Variants in MTMR6 observed in about 807,000 individuals in gnomAD.
The protein encoded by MTMR6 is phosphatidylinositol-3,5-bisphosphate 3-phosphatase MTMR6.
In MTMR6, 47 loss-of-function variants were observed where a neutral mutation model predicts 80.1. That is an observed-to-expected ratio of 0.59 (90% CI 0.46 to 0.75). The LOEUF (loss-of-function observed/expected upper bound fraction) is 0.75, where lower values mean the gene tolerates loss of function less well. Among genes scored for constraint, MTMR6 ranks in the 30% least tolerant of loss-of-function variants. The pLI is 0.00. For missense variants in MTMR6, 629 were observed against 730.9 expected, an observed-to-expected ratio of 0.86 and a Z score of 1.61; for synonymous variants, 254 against 253.0, an observed-to-expected ratio of 1.00 and a Z score of -0.04.
At chr13:25,264,082 A>C (rs534336182) in intron 5 of MTMR6, among the ~76,000 whole-genome samples, 2 of 152,248 alleles carry the variant, frequency 1.3e-5, no homozygotes, top group African/African-American at 4.8e-5. Context: ...GGGAAGCATG[A>C]GAATTATTTT....
At chr13:25,264,159 A>T (rs1198248612) in intron 5 of MTMR6, among the ~76,000 whole-genome samples, 1 of 152,082 alleles carries the variant, frequency 6.6e-6, no homozygotes, top group Non-Finnish European at 1.5e-5. Context: ...ATCTTTAAAA[A>T]TTTCAGAAAA....
chr13:25,255,241 T>C (rs998393966), intron 9 of MTMR6, among the ~76,000 whole-genome samples: 6 of 152,254 alleles, frequency 3.9e-5, no homozygotes, highest in Non-Finnish European at 5.9e-5. Context: ...ATGTAGTCGC[T>C]GGAGCTCAGG....
chr13:25,268,019 A>C, intron 2 of MTMR6, 78 bp from the exon 3 acceptor site: 1 of 1,385,858 alleles, frequency 7.2e-7, no homozygotes, highest in Non-Finnish European at 9.7e-7. Context: ...AAGTTTAAGA[A>C]TGTCTTCCTC....
intron 2 of MTMR6, among the ~76,000 whole-genome samples, chr13:25,268,987 A>T (rs1957511957): frequency 6.6e-6 from 1 of 152,194 alleles, no homozygotes; most frequent in Admixed American, 6.5e-5. Flanking sequence ...GACATGTCCC[A>T]ATAGCCAAGC....
chr13:25,255,063 T>G (rs1957169240), intron 9 of MTMR6, among the ~76,000 whole-genome samples: 1 of 152,224 alleles, frequency 6.6e-6, no homozygotes. Flanking sequence ...TCTAACTTTT[T>G]CAGTCTAATC....
chr13:25,283,558 T>C (rs374628359), intron 1 of MTMR6, among the ~76,000 whole-genome samples: 16 of 152,208 alleles, frequency 1.1e-4, no homozygotes, highest in Non-Finnish European at 1.9e-4. Flanking sequence ...CACATTCTAA[T>C]GACAAAAAGA....
intron 1 of MTMR6, among the ~76,000 whole-genome samples, chr13:25,282,611 CTTT>C (rs778665309): frequency 1.5e-5 from 2 of 129,116 alleles, no homozygotes; most frequent in African/African-American, 3.6e-5. Flanking sequence ...TTTCTTTTTT[CTTT>C]TTTTTTTTTT....
chr13:25,250,568 C>A (rs57880710), intron 13 of MTMR6, among the ~76,000 whole-genome samples: 6,454 of 152,180 alleles, frequency 0.042, 467 homozygotes, highest in African/African-American at 0.15. Flanking sequence ...TATGGAAAGT[C>A]ATTTAACTTC....
At chr13:25,272,679 A>G (rs772880928) in intron 2 of MTMR6, among the ~76,000 whole-genome samples, 4 of 152,202 alleles carry the variant, frequency 2.6e-5, no homozygotes, top group African/African-American at 9.7e-5. Context: ...GCTCCCACTT[A>G]TAAGTGAGAA....
chr13:25,282,057 G>A (rs1048463821), intron 1 of MTMR6, among the ~76,000 whole-genome samples: 13 of 152,048 alleles, frequency 8.5e-5, no homozygotes, highest in African/African-American at 2.9e-4. Flanking sequence ...ATCTTCTACT[G>A]TGCTCTTCTT....
At position 25,246,333 on chromosome 13, in the gene MTMR6, A is replaced by G. The variant is rs1956978621; in HGVS notation, c.*2899T>C. 6.6e-6 allele frequency: 1 copy of G among 152,642 alleles called. No homozygotes were observed. The highest frequency in any genetic ancestry group is 1.5e-5 in the Non-Finnish European group (1 of 68,044). The allele number at this position is 152,642 out of a possible 1,614,324, so 9.5% of individuals were successfully genotyped here. On this transcript the variant is annotated 3_prime_UTR_variant, in exon 14 of 14. Transcript: ENST00000381801. ...TTTTGAGATAATTATTCTAGATTCCAGGCTTTCTTCTAGATGTAAGTTCCT... is the reference window on the plus strand; with the variant it reads ...TTTTGAGATAATTATTCTAGATTCCGGGCTTTCTTCTAGATGTAAGTTCCT...
intron 9 of MTMR6, 122 bp downstream of exon 9, chr13:25,257,074 C>T (rs1286398635): frequency 2.9e-5 from 32 of 1,089,152 alleles, no homozygotes; most frequent in Middle Eastern, 2.5e-4. Context: ...GCCACTCCCA[C>T]GGATGCCAGT....
chr13:25,269,030 T>G (rs1414033736), intron 2 of MTMR6, among the ~76,000 whole-genome samples: 1 of 152,146 alleles, frequency 6.6e-6, no homozygotes, highest in Non-Finnish European at 1.5e-5. Context: ...TGGGTGTGCA[T>G]GTGCTTGGGG....
intron 1 of MTMR6, among the ~76,000 whole-genome samples, chr13:25,276,674 C>T (rs557144981): frequency 1.3e-5 from 2 of 152,292 alleles, no homozygotes; most frequent in Non-Finnish European, 2.9e-5. Context: ...GGGGTCCATT[C>T]TCTATAGGAA....
At chr13:25,254,035 T>C in intron 10 of MTMR6, 71 bp from the exon 11 acceptor site, 2 of 1,448,250 alleles carry the variant, frequency 1.4e-6, no homozygotes, top group Non-Finnish European at 1.9e-6. Context: ...TTGTTAATCT[T>C]AAACATACAA....
intron 2 of MTMR6, among the ~76,000 whole-genome samples, chr13:25,271,763 T>C (rs987168432): frequency 2.6e-5 from 4 of 152,254 alleles, no homozygotes; most frequent in African/African-American, 9.6e-5. Context: ...CCTGTTATTA[T>C]TGGCTATTGT....
rs1183715467 is a variant in MTMR6, at chr13:25,248,151, T to C, written c.*1081A>G. On this transcript the variant is annotated 3_prime_UTR_variant, in exon 14 of 14. Coordinates refer to ENST00000381801, the MANE Select transcript of MTMR6 (RefSeq NM_004685.5). ...AGAAAAATAATGCTCCACATAGAAA[T>C]GACTTCAAAATTCATGCAACCATGC... 2 of 152,090 alleles carry C rather than the reference T, an allele frequency of 1.3e-5. No homozygotes were observed. Among genetic ancestry groups the C allele is most frequent in the Admixed American group, 1.3e-4 (2 of 15,266 alleles). The allele number at this position is 152,090 out of a possible 1,614,324, so 9.4% of individuals were successfully genotyped here. A position where few individuals can be genotyped will look rare whatever the true frequency, so the allele number is the denominator to read the frequency against.
intron 1 of MTMR6, among the ~76,000 whole-genome samples, chr13:25,283,742 G>A (rs7996201): frequency 0.044 from 6,670 of 152,188 alleles, 298 homozygotes; most frequent in South Asian, 0.13. Context: ...CCATTCACAG[G>A]TAAGACAATA....
intron 1 of MTMR6, among the ~76,000 whole-genome samples, chr13:25,275,797 G>A (rs1957708015): frequency 6.7e-6 from 1 of 150,210 alleles, no homozygotes; most frequent in East Asian, 2.0e-4. Flanking sequence ...GGGGTCAGAG[G>A]TTGCGGTGAG....
Sources: gnomAD v4.1 joint callset for allele counts (sites outside exome capture counted in the v4.1 genomes callset) on GRCh38, gnomAD v4.1.1 for gene constraint, MANE v1.5 for transcripts, NCBI Gene and HGNC (gene_info 2026-07-23, HGNC 2026-07-21) for gene names.